RCOR1: variants seen among roughly 807,000 people sequenced by gnomAD.
RCOR1 encodes the protein REST corepressor.
Under a neutral mutation model 64.0 loss-of-function variants are expected in RCOR1, and 12 were observed. That is an observed-to-expected ratio of 0.19 (90% CI 0.12 to 0.30). RCOR1 has a LOEUF of 0.30. Ranked by LOEUF, RCOR1 falls within the 10% of genes least tolerant of loss-of-function variation. The pLI, the probability that RCOR1 is intolerant of heterozygous loss-of-function variation, is 1.00. For missense variants in RCOR1, 502 were observed against 621.2 expected, an observed-to-expected ratio of 0.81 and a Z score of 2.04; for synonymous variants, 279 against 227.2, an observed-to-expected ratio of 1.23 and a Z score of -2.05.
intron 2 of RCOR1, among the ~76,000 whole-genome samples, chr14:102,632,674 C>CTTTTCCT (rs139502332): frequency 5.3e-4 from 24 of 45,180 alleles, no homozygotes; most frequent in South Asian, 2.2e-3. Context: ...CTTTCCTTTC[C>CTTTTCCT]TTTCCTTTTC....
chr14:102,726,819 C>T lies in RCOR1; in HGVS notation c.*313C>T, dbSNP rs1896275334. On this transcript the variant is annotated 3_prime_UTR_variant, in exon 12 of 12. Transcript: ENST00000262241. ...CGGAGCCCCCGAGCCCCACCAATGG[C>T]AGCTCTTCCCAGTCAGCAGCTTCAG... 1 of 345,898 alleles carries T rather than the reference C, an allele frequency of 2.9e-6. No individual in the cohort carries two copies. Among genetic ancestry groups the T allele is most frequent in the African/African-American group, 2.2e-5 (1 of 46,150 alleles). 21.4% of individuals were successfully genotyped at this position (345,898 alleles called of 1,614,324 possible).
intron 2 of RCOR1, among the ~76,000 whole-genome samples, chr14:102,671,176 T>C (rs1208379574): frequency 6.6e-6 from 1 of 152,246 alleles, no homozygotes; most frequent in Non-Finnish European, 1.5e-5. Flanking sequence ...GCCATTCTCT[T>C]TCTTGTGTTC....
intron 3 of RCOR1, among the ~76,000 whole-genome samples, chr14:102,696,808 C>CTTTTTT (rs71305075): frequency 9.4e-4 from 54 of 57,346 alleles, no homozygotes; most frequent in African/African-American, 1.6e-3. Flanking sequence ...ATCTGCTTAT[C>CTTTTTT]TTTTTTTTTT....
intron 2 of RCOR1, among the ~76,000 whole-genome samples, chr14:102,638,037 A>AG (rs1179086510): frequency 1.3e-4 from 20 of 152,362 alleles, no homozygotes; most frequent in Non-Finnish European, 1.0e-4. Context: ...GAACAAAAAA[A>AG]AATTTAACTT....
Position 102,727,163 on chromosome 14 carries a change from C to G in RCOR1, c.*657C>G, listed in dbSNP as rs1172338693. ...CTCCCTTCCCAAGTGTTACAAAGAT[C>G]ATTTACTGCAACTGTCGTTGGACAC... On this transcript the variant is annotated 3_prime_UTR_variant, in exon 12 of 12. Coordinates refer to ENST00000262241, the MANE Select transcript of RCOR1 (RefSeq NM_015156.4). 1.3e-5 allele frequency: 2 copies of G among 152,188 alleles called. No individual in the cohort carries two copies. The highest frequency in any genetic ancestry group is 2.9e-5 in the Non-Finnish European group (2 of 68,070). The allele number at this position is 152,188 out of a possible 1,614,324, so 9.4% of individuals were successfully genotyped here.
intron 2 of RCOR1, among the ~76,000 whole-genome samples, chr14:102,612,715 G>A (rs1893656326): frequency 6.6e-6 from 1 of 151,806 alleles, no homozygotes; most frequent in Admixed American, 6.6e-5. Context: ...GTTACCCTGT[G>A]CAGTGGCTCA....
rs34576884 is a variant in RCOR1, at chr14:102,673,334, A to ATT, written c.362-8542_362-8541dup. On this transcript the variant is annotated intron_variant, in intron 2 of 11. Transcript: ENST00000262241. ...CATACCACGGTTTATCCAATCCCTG[A>ATT]TTTTTTTTTTTTTTTTTTTTAAGAC... Among the ~76,000 whole-genome samples, 123 of 127,504 alleles carry ATT rather than the reference A, an allele frequency of 9.6e-4. 2 individuals are homozygous for ATT. Among genetic ancestry groups the ATT allele is most frequent in the East Asian group, 1.8e-3 (8 of 4,428 alleles). 83.6% of individuals were successfully genotyped at this position (127,504 alleles called of 152,430 possible). A position where few individuals can be genotyped will look rare whatever the true frequency, so the allele number is the denominator to read the frequency against.
intron 2 of RCOR1, among the ~76,000 whole-genome samples, chr14:102,631,943 G>A (rs1408570486): frequency 6.6e-6 from 1 of 151,954 alleles, no homozygotes; most frequent in Admixed American, 6.6e-5. Flanking sequence ...TGGGACTACA[G>A]ACTACAAGCG....
At chr14:102,642,042 G>A (rs1894380995) in intron 2 of RCOR1, among the ~76,000 whole-genome samples, 1 of 152,160 alleles carries the variant, frequency 6.6e-6, no homozygotes, top group Admixed American at 6.5e-5. Flanking sequence ...ATTTGATAAG[G>A]TCCATTATTT....
chr14:102,705,680 A>G (rs1567441906), intron 4 of RCOR1, among the ~76,000 whole-genome samples: 1 of 152,170 alleles, frequency 6.6e-6, no homozygotes, highest in Non-Finnish European at 1.5e-5. Context: ...GCTGGTCTCC[A>G]TGTTCTGAGC....
chr14:102,700,550 G>A (rs1895736617), intron 3 of RCOR1, among the ~76,000 whole-genome samples: 1 of 152,136 alleles, frequency 6.6e-6, no homozygotes, highest in South Asian at 2.1e-4. Flanking sequence ...AAAATTATTT[G>A]TAGAGACAGG....
At chr14:102,674,316 T>G (rs999025729) in intron 2 of RCOR1, among the ~76,000 whole-genome samples, 5 of 152,244 alleles carry the variant, frequency 3.3e-5, no homozygotes, top group African/African-American at 7.2e-5. Flanking sequence ...ATTAAATAAC[T>G]GGCTACTAGA....
chr14:102,719,518 C>T lies in RCOR1; in HGVS notation c.1054-1489C>T, dbSNP rs192943975. On this transcript the variant is annotated intron_variant, in intron 8 of 11. Transcript: ENST00000262241. ...TGCGGTGTTTGGTTTTCTGTCCTTGCGATAGTTTGCTCAGAATGATGGTTT... is the reference window on the plus strand; with the variant it reads ...TGCGGTGTTTGGTTTTCTGTCCTTGTGATAGTTTGCTCAGAATGATGGTTT... Among the ~76,000 whole-genome samples, 68 of 152,170 alleles carry T rather than the reference C, an allele frequency of 4.5e-4. No individual in the cohort carries two copies. In the East Asian group the frequency reaches 0.011, roughly 24 times the overall value.
At chr14:102,699,231 A>G (rs1462539493) in intron 3 of RCOR1, among the ~76,000 whole-genome samples, 1 of 152,206 alleles carries the variant, frequency 6.6e-6, no homozygotes, top group African/African-American at 2.4e-5. Context: ...GTGACAAGCT[A>G]TGGTCATTTC....
intron 2 of RCOR1, among the ~76,000 whole-genome samples, chr14:102,628,183 C>G (rs930831098): frequency 6.6e-6 from 1 of 152,136 alleles, no homozygotes; most frequent in Admixed American, 6.5e-5. Flanking sequence ...TTCAGGCTTT[C>G]TGTGGGTTGT....
intron 2 of RCOR1, among the ~76,000 whole-genome samples, chr14:102,593,666 A>G (rs1893181764): frequency 6.6e-6 from 1 of 152,184 alleles, no homozygotes; most frequent in Non-Finnish European, 1.5e-5. Flanking sequence ...GCCAGGGGTA[A>G]GGGTGGCAGT....
chr14:102,605,059 T>C (rs1356722835), intron 2 of RCOR1, among the ~76,000 whole-genome samples: 1 of 116,266 alleles, frequency 8.6e-6, no homozygotes, highest in Non-Finnish European at 1.7e-5. Context: ...CAGAGCAATA[T>C]TCCATCTCAA....
chr14:102,707,937 G>A (rs1038810466), intron 5 of RCOR1, among the ~76,000 whole-genome samples: 6 of 147,592 alleles, frequency 4.1e-5, no homozygotes, highest in Non-Finnish European at 8.9e-5. Flanking sequence ...CTACAGGTGC[G>A]TGCCACCACG....
At chr14:102,627,354 C>G (rs896774400) in intron 2 of RCOR1, among the ~76,000 whole-genome samples, 2 of 152,156 alleles carry the variant, frequency 1.3e-5, no homozygotes, top group Non-Finnish European at 2.9e-5. Flanking sequence ...CGGGCTATTA[C>G]TTCTTGTTTA....
Sources: gnomAD v4.1 joint callset for allele counts (sites outside exome capture counted in the v4.1 genomes callset) on GRCh38, gnomAD v4.1.1 for gene constraint, MANE v1.5 for transcripts, NCBI Gene and HGNC (gene_info 2026-07-23, HGNC 2026-07-21) for gene names.